The following CNTNAP2 variants were observed in gnomAD, a reference collection of about 807,000 sequenced individuals.
CNTNAP2 encodes contactin-associated protein-like 2.
A neutral mutation model predicts 155.2 loss-of-function variants in CNTNAP2; 98 were observed. The observed-to-expected ratio is 0.63, with a 90% CI of 0.54 to 0.75. The LOEUF (loss-of-function observed/expected upper bound fraction) is 0.75. CNTNAP2 is among the 30% of genes least tolerant of loss of function. CNTNAP2 has a pLI of 0.00. For missense variants in CNTNAP2, 1,727 were observed against 1,688.1 expected, an observed-to-expected ratio of 1.02 and a Z score of -0.40; for synonymous variants, 651 against 631.2, an observed-to-expected ratio of 1.03 and a Z score of -0.47.
intron 8 of CNTNAP2, among the ~76,000 whole-genome samples, chr7:147,243,508 G>A (rs1446967605): frequency 1.3e-5 from 2 of 152,012 alleles, no homozygotes; most frequent in African/African-American, 2.4e-5. Flanking sequence ...CAGGTTTTAG[G>A]TCACACAGCT....
intron 13 of CNTNAP2, among the ~76,000 whole-genome samples, chr7:147,815,868 G>A (rs1293659126): frequency 6.6e-6 from 1 of 152,176 alleles, no homozygotes; most frequent in Non-Finnish European, 1.5e-5. Context: ...AGAATCGAGT[G>A]ATGTCCACTG....
intron 8 of CNTNAP2, among the ~76,000 whole-genome samples, chr7:147,292,877 C>G (rs1239903141): frequency 1.3e-5 from 2 of 152,210 alleles, no homozygotes; most frequent in Non-Finnish European, 2.9e-5. Context: ...TCAGGTGATT[C>G]TCCTGCCTCA....
chr7:148,221,307 A>G (rs1043859182), intron 19 of CNTNAP2, among the ~76,000 whole-genome samples: 3 of 152,096 alleles, frequency 2.0e-5, no homozygotes, highest in African/African-American at 7.2e-5. Flanking sequence ...TTTCCTTTCT[A>G]CTGATGGCAA....
chr7:148,098,323 A>G (rs1270115824), intron 15 of CNTNAP2, among the ~76,000 whole-genome samples: 1 of 151,744 alleles, frequency 6.6e-6, no homozygotes, highest in African/African-American at 2.4e-5. Flanking sequence ...ACACGCCTGT[A>G]GTCCCAGCTA....
Position 146,468,193 on chromosome 7 carries a change from C to T in CNTNAP2, c.98-306078C>T, listed in dbSNP as rs569733960. ...CAACGAAGAAAACTAAGAATAATAA[C>T]ACAGTATGATAAAGACCGTGATCCC... On this transcript the variant is annotated intron_variant, in intron 1 of 23. Coordinates refer to ENST00000361727, the MANE Select transcript of CNTNAP2 (RefSeq NM_014141.6). Among the ~76,000 whole-genome samples, 31 of 152,132 alleles carry T rather than the reference C, an allele frequency of 2.0e-4. 1 individual carries two copies. The highest frequency in any genetic ancestry group is 4.6e-4 in the African/African-American group (19 of 41,500).
chr7:147,456,788 G>A (rs1275105819), intron 10 of CNTNAP2, among the ~76,000 whole-genome samples: 4 of 152,154 alleles, frequency 2.6e-5, no homozygotes, highest in Non-Finnish European at 4.4e-5. Flanking sequence ...TGGAATGGAC[G>A]GGATAATAGG....
chr7:146,953,002 A>G (rs1797353775), intron 3 of CNTNAP2, among the ~76,000 whole-genome samples: 1 of 152,094 alleles, frequency 6.6e-6, no homozygotes, highest in Non-Finnish European at 1.5e-5. Flanking sequence ...TTCATGGCTT[A>G]AGATTATTAT....
intron 13 of CNTNAP2, among the ~76,000 whole-genome samples, chr7:147,876,658 A>G (rs1437855399): frequency 6.6e-6 from 1 of 151,468 alleles, no homozygotes; most frequent in Non-Finnish European, 1.5e-5. Flanking sequence ...AGTTAGGGGG[A>G]GTGATATTCC....
chr7:147,028,845 AAGT>A (rs1798971455), intron 3 of CNTNAP2, among the ~76,000 whole-genome samples: 1 of 152,198 alleles, frequency 6.6e-6, no homozygotes, highest in Non-Finnish European at 1.5e-5. Flanking sequence ...ACTTGTGAGA[AAGT>A]AGCGAGAACA....
chr7:147,025,327 GGGA>G (rs1798885187), intron 3 of CNTNAP2, among the ~76,000 whole-genome samples: 1 of 57,010 alleles, frequency 1.8e-5, no homozygotes, highest in Non-Finnish European at 3.5e-5. Flanking sequence ...GTGGGGGGCA[GGGA>G]GAAGAAAGGG....
chr7:147,058,176 T>G (rs1358502498), intron 4 of CNTNAP2, among the ~76,000 whole-genome samples: 1 of 152,204 alleles, frequency 6.6e-6, no homozygotes, highest in Non-Finnish European at 1.5e-5. Context: ...CTTTGGTTAA[T>G]TGGACATTTT....
At chr7:146,586,534 C>A (rs1467867792) in intron 1 of CNTNAP2, among the ~76,000 whole-genome samples, 1 of 151,576 alleles carries the variant, frequency 6.6e-6, no homozygotes, top group Non-Finnish European at 1.5e-5. Flanking sequence ...CATTTACACA[C>A]ACATACACAC....
chr7:148,160,730 T>G (rs1049865375), intron 17 of CNTNAP2, among the ~76,000 whole-genome samples: 1 of 152,324 alleles, frequency 6.6e-6, no homozygotes, highest in African/African-American at 2.4e-5. Flanking sequence ...CAGCTATTGA[T>G]GAAGGTGTTG....
chr7:146,394,539 G>A (rs1157342687), intron 1 of CNTNAP2, among the ~76,000 whole-genome samples: 1 of 151,940 alleles, frequency 6.6e-6, no homozygotes, highest in Non-Finnish European at 1.5e-5. Context: ...TTATGACCTT[G>A]GCCTGTATAC....
intron 13 of CNTNAP2, among the ~76,000 whole-genome samples, chr7:147,874,399 C>T (rs1799386155): frequency 6.6e-6 from 1 of 152,234 alleles, no homozygotes; most frequent in Non-Finnish European, 1.5e-5. Flanking sequence ...TGTGTTCCTG[C>T]AGACTCAAAA....
chr7:148,309,185 T>C lies in CNTNAP2; in HGVS notation c.3475+42059T>C, dbSNP rs150127187. 3.0e-3 allele frequency among the ~76,000 whole-genome samples: 461 copies of C among 152,352 alleles called. 1 individual carries two copies. The highest frequency in any genetic ancestry group is 9.9e-3 in the African/African-American group (411 of 41,580). ...GATTTTCTAGAGGAATTCTTCTCTA[T>C]ACAGGGAAACATTGCAGTAATGAGT... On this transcript the variant is annotated intron_variant, in intron 21 of 23. Coordinates refer to ENST00000361727, the MANE Select transcript of CNTNAP2 (RefSeq NM_014141.6).
intron 1 of CNTNAP2, among the ~76,000 whole-genome samples, chr7:146,247,076 G>C (rs1055548977): frequency 1.3e-5 from 2 of 152,108 alleles, no homozygotes; most frequent in Non-Finnish European, 2.9e-5. Context: ...GAGCAGACTG[G>C]GTAATAAAAT....
intron 9 of CNTNAP2, among the ~76,000 whole-genome samples, chr7:147,365,383 G>GAAAAAAAAAAAAAA (rs10557373): frequency 3.2e-5 from 3 of 93,638 alleles, no homozygotes; most frequent in African/African-American, 8.6e-5. Flanking sequence ...ATCTCAAAAA[G>GAAAAAAAAAAAAAA]AAAAAAAAAA....
intron 13 of CNTNAP2, among the ~76,000 whole-genome samples, chr7:147,866,651 T>A (rs1207650057): frequency 6.6e-6 from 1 of 152,234 alleles, no homozygotes; most frequent in Non-Finnish European, 1.5e-5. Context: ...CTCTTCTTTT[T>A]GAATTGCTCC....
Sources: allele counts gnomAD v4.1 joint callset (sites outside exome capture counted in the v4.1 genomes callset), GRCh38; gene constraint gnomAD v4.1.1; transcripts MANE v1.5; gene names NCBI Gene and HGNC (gene_info 2026-07-23, HGNC 2026-07-21).